The following MEF2B variants were observed in gnomAD, a reference collection of about 807,000 sequenced individuals.
MEF2B encodes the protein myocyte-specific enhancer factor 2B.
In MEF2B, 15 loss-of-function variants were observed where a neutral mutation model predicts 32.2. The observed-to-expected ratio is 0.47, with a 90% CI of 0.31 to 0.72. MEF2B has a LOEUF of 0.72. Ranked by LOEUF, MEF2B falls within the 30% of genes least tolerant of loss-of-function variation. The pLI, the probability that MEF2B is intolerant of heterozygous loss-of-function variation, is 0.05. For synonymous variants in MEF2B, 205 were observed against 225.6 expected (o/e 0.91, Z 0.82); for missense variants, 441 against 511.5 (o/e 0.86, Z 1.33).
At chr19:19,156,509 A>G (rs2060121498) in intron 1 of MEF2B, among the ~76,000 whole-genome samples, 1 of 152,174 alleles carries the variant, frequency 6.6e-6, no homozygotes, top group Non-Finnish European at 1.5e-5. Context: ...AAAGAATAAT[A>G]ATTTCAAAAT....
intron 1 of MEF2B, among the ~76,000 whole-genome samples, chr19:19,154,593 A>G (rs2060107918): frequency 6.6e-6 from 1 of 152,042 alleles, no homozygotes; most frequent in Non-Finnish European, 1.5e-5. Flanking sequence ...ACAGGTGTGC[A>G]CCACCACACC....
intron 1 of MEF2B, among the ~76,000 whole-genome samples, chr19:19,152,380 CAAAAA>C (rs749560348): frequency 8.8e-6 from 1 of 113,368 alleles, no homozygotes; most frequent in African/African-American, 3.4e-5. Flanking sequence ...GACTCTGTCT[CAAAAA>C]AAAAAAAGAA....
chr19:19,149,526 T>A, intron 2 of MEF2B, 97 bp from the exon 3 acceptor site: 1 of 1,482,694 alleles, frequency 6.7e-7, no homozygotes, highest in South Asian at 1.2e-5. Flanking sequence ...TCCTCGAACA[T>A]GCCTCAGGAT....
chr19:19,148,909 G>T (rs1357106710), intron 3 of MEF2B, among the ~76,000 whole-genome samples: 1 of 151,732 alleles, frequency 6.6e-6, no homozygotes, highest in Non-Finnish European at 1.5e-5. Context: ...ACTGGGTTTT[G>T]CCATGTTGGC....
intron 1 of MEF2B, among the ~76,000 whole-genome samples, chr19:19,164,733 G>C (rs934756259): frequency 6.6e-6 from 1 of 152,134 alleles, no homozygotes; most frequent in Non-Finnish European, 1.5e-5. Flanking sequence ...AGAATCACTT[G>C]AACCCAGGAG....
chr19:19,158,672 C>A (rs998902438), intron 1 of MEF2B, among the ~76,000 whole-genome samples: 6 of 151,426 alleles, frequency 4.0e-5, no homozygotes, highest in Admixed American at 2.6e-4. Flanking sequence ...GTGGGAGAAT[C>A]ACTTGAGCCC....
intron 1 of MEF2B, among the ~76,000 whole-genome samples, chr19:19,153,589 T>C (rs930890066): frequency 6.6e-6 from 1 of 152,078 alleles, no homozygotes; most frequent in African/African-American, 2.4e-5. Context: ...CCCAAGTAGC[T>C]GCGATTACGG....
At chr19:19,159,609 G>A (rs528558041) in intron 1 of MEF2B, among the ~76,000 whole-genome samples, 1 of 152,258 alleles carries the variant, frequency 6.6e-6, no homozygotes, top group African/African-American at 2.4e-5. Context: ...GATAGAAGAG[G>A]AGCCTGGTGA....
In MEF2B at chr19:19,145,617, A is replaced by G; in HGVS notation, c.*180T>C. On this transcript the variant is annotated 3_prime_UTR_variant, in exon 9 of 9. Coordinates refer to ENST00000424583, the MANE Select transcript of MEF2B (RefSeq NM_001145785.2). The surrounding 1 kb of genome is among the most constrained non-coding windows in gnomAD (Gnocchi z 4.6). The stretch of plus-strand genomic sequence containing the variant: ...TTTATTTGTGGATATACACACAAAT[A>G]GGAAGAAGGAAAGGAGCCCCCCAGG... 1 of 1,404,612 alleles carries G rather than the reference A, an allele frequency of 7.1e-7. No homozygotes were observed. Among genetic ancestry groups the G allele is most frequent in the Non-Finnish European group, 9.6e-7 (1 of 1,042,026 alleles). 87.0% of individuals were successfully genotyped at this position (1,404,612 alleles called of 1,614,324 possible).
At chr19:19,159,236 T>G (rs1599730515) in intron 1 of MEF2B, among the ~76,000 whole-genome samples, 10 of 84,192 alleles carry the variant, frequency 1.2e-4, no homozygotes, top group East Asian at 3.8e-4. Flanking sequence ...CCACAGTGCG[T>G]GGCCTAAAAA....
Position 19,159,234 on chromosome 19 carries a change from C to T in MEF2B, c.-29-8470G>A, listed in dbSNP as rs575228552. On this transcript the variant is annotated intron_variant, in intron 1 of 8. Coordinates refer to ENST00000424583, the MANE Select transcript of MEF2B (RefSeq NM_001145785.2). ...GGGATTACAGGCGTGAGCCACAGTGCGTGGCCTAAAAAAAAAAAAAAAAAA... is the reference window on the plus strand; with the variant it reads ...GGGATTACAGGCGTGAGCCACAGTGTGTGGCCTAAAAAAAAAAAAAAAAAA... Among the ~76,000 whole-genome samples the T allele has an allele frequency of 1.6e-3, 157 of 100,892 alleles. 1 individual carries two copies. Among genetic ancestry groups the T allele is most frequent in the African/African-American group, 6.2e-3 (148 of 23,968 alleles). The allele number at this position is 100,892 out of a possible 152,430, so 66.2% of individuals were successfully genotyped here.
intron 2 of MEF2B, 69 bp from the exon 3 acceptor site, chr19:19,149,498 T>G: frequency 1.3e-6 from 2 of 1,595,962 alleles, no homozygotes; most frequent in Middle Eastern, 3.4e-4. Flanking sequence ...TGTAGGGGAA[T>G]TGGCAGGGCC....
chr19:19,168,628 C>G (rs12974661), intron 1 of MEF2B, among the ~76,000 whole-genome samples: 23,684 of 149,896 alleles, frequency 0.16, 2,078 homozygotes, highest in East Asian at 0.37. Context: ...GGATCTTGCT[C>G]TGTCACCCAG....
Position 19,168,336 on chromosome 19 carries a change from C to T in MEF2B, c.-30+1869G>A, listed in dbSNP as rs892823311. Among the ~76,000 whole-genome samples, 62 of 146,300 alleles carry T rather than the reference C, an allele frequency of 4.2e-4. 1 individual carries two copies. The highest frequency in any genetic ancestry group is 1.5e-3 in the African/African-American group (60 of 39,500). On this transcript the variant is annotated intron_variant, in intron 1 of 8. Coordinates refer to ENST00000424583, the MANE Select transcript of MEF2B (RefSeq NM_001145785.2). ...TTGCCCAGGCTGGAGTGCAATGACA[C>T]GATCTTCGCTCACCACAACCTCCGC...
intron 2 of MEF2B, among the ~76,000 whole-genome samples, chr19:19,150,226 G>C (rs1407912641): frequency 1.4e-5 from 2 of 147,684 alleles, no homozygotes; most frequent in East Asian, 4.1e-4. Flanking sequence ...GAGGGAGGGA[G>C]GGGAAACAAG....
Position 19,146,353 on chromosome 19 carries a change from A to C in MEF2B, c.801T>G (p.Pro267=). The C allele has an allele frequency of 1.1e-6, 1 of 893,558 alleles. No individual in the cohort carries two copies. Among genetic ancestry groups the C allele is most frequent in the Non-Finnish European group, 1.5e-6 (1 of 650,630 alleles). The allele number at this position is 893,558 out of a possible 1,614,324, so 55.4% of individuals were successfully genotyped here. ...EYGLGDPPPP[P]GLLQPPTLAP... ...CCAGGGTGGGGGGCTGCAACAAGCC[A>C]GGGGGCGGTGGAGGGTCTCCCAGGC... Residue 267 remains proline, a synonymous_variant, in exon 8 of 9, where the codon CCT becomes CCG. Coordinates refer to ENST00000424583, the MANE Select transcript of MEF2B (RefSeq NM_001145785.2).
chr19:19,169,471 G>C (rs1330584947), intron 1 of MEF2B, among the ~76,000 whole-genome samples: 1 of 152,172 alleles, frequency 6.6e-6, no homozygotes, highest in Non-Finnish European at 1.5e-5. Context: ...CCAAAGTGCT[G>C]GGATTACAGG....
intron 1 of MEF2B, among the ~76,000 whole-genome samples, chr19:19,152,376 G>T (rs1397756424): frequency 1.6e-5 from 1 of 64,098 alleles, no homozygotes; most frequent in African/African-American, 7.3e-5. Flanking sequence ...GCAAGACTCT[G>T]TCTCAAAAAA....
chr19:19,149,185 G>A, intron 3 of MEF2B, 41 bp downstream of exon 3: 1 of 1,607,964 alleles, frequency 6.2e-7, no homozygotes, highest in Non-Finnish European at 8.5e-7. Flanking sequence ...AAAGCAGCGT[G>A]CACGGGGCCT....
Sources: gnomAD v4.1 joint callset for allele counts (sites outside exome capture counted in the v4.1 genomes callset) on GRCh38, gnomAD v4.1.1 for gene constraint, Gnocchi (gnomAD v3.1) non-coding constraint, MANE v1.5 for transcripts, NCBI Gene and HGNC (gene_info 2026-07-23, HGNC 2026-07-21) for gene names.